MAP4K5: variants seen among roughly 807,000 people sequenced by gnomAD.
The protein encoded by MAP4K5 is mitogen-activated protein kinase kinase kinase kinase 5, also known as MAPK/ERK kinase kinase kinase 5.
Under a neutral mutation model 135.6 loss-of-function variants are expected in MAP4K5, and 82 were observed. That is an observed-to-expected ratio of 0.60 (90% CI 0.51 to 0.73). The LOEUF is 0.73. Ranked by LOEUF, MAP4K5 falls within the 30% of genes least tolerant of loss-of-function variation. The probability of loss-of-function intolerance (pLI) is 0.00; values close to 1 mark genes in which losing one functional copy is unlikely to be tolerated. For missense variants in MAP4K5, 907 were observed against 1,010.9 expected, an observed-to-expected ratio of 0.90 and a Z score of 1.39; for synonymous variants, 347 against 335.0, an observed-to-expected ratio of 1.04 and a Z score of -0.39.
At chr14:50,554,109 G>GTT (rs369844075) in intron 1 of MAP4K5, among the ~76,000 whole-genome samples, 3 of 146,498 alleles carry the variant, frequency 2.0e-5, no homozygotes, top group Admixed American at 1.4e-4. Context: ...TTTTTAAAAA[G>GTT]TTTTTTTTTT....
chr14:50,504,251 C>G (rs2037764414), intron 3 of MAP4K5, among the ~76,000 whole-genome samples: 1 of 152,098 alleles, frequency 6.6e-6, no homozygotes, highest in African/African-American at 2.4e-5. Flanking sequence ...TGGTCAAAAA[C>G]TACTACTGCA....
chr14:50,541,795 A>C (rs1275475112), intron 2 of MAP4K5, among the ~76,000 whole-genome samples: 7 of 151,850 alleles, frequency 4.6e-5, no homozygotes, highest in South Asian at 2.1e-4. Flanking sequence ...CCGAGGCAGG[A>C]GGATCACGAG....
intron 3 of MAP4K5, among the ~76,000 whole-genome samples, chr14:50,502,896 T>C (rs928987315): frequency 2.0e-5 from 3 of 152,040 alleles, no homozygotes. Flanking sequence ...TTCTCTTTCA[T>C]CCCTTAGAAC....
chr14:50,464,246 C>T (rs1007041266), intron 11 of MAP4K5, 113 bp from the exon 12 acceptor site: 11 of 603,894 alleles, frequency 1.8e-5, no homozygotes, highest in Non-Finnish European at 3.2e-5. Context: ...TTTTATTGGG[C>T]CACTTAGTTA....
At chr14:50,462,566 A>G in intron 13 of MAP4K5, 99 bp downstream of exon 13, 1 of 731,866 alleles carries the variant, frequency 1.4e-6, no homozygotes, top group South Asian at 1.6e-5. Context: ...TGTTTTAACT[A>G]AGTTAAAAGA....
intron 28 of MAP4K5, among the ~76,000 whole-genome samples, chr14:50,431,890 A>G (rs970899213): frequency 2.6e-5 from 4 of 152,220 alleles, no homozygotes; most frequent in Admixed American, 6.5e-5. Flanking sequence ...CTTCTTAACT[A>G]TACCTCTTTG....
chr14:50,519,881 G>A (rs560341873), intron 2 of MAP4K5, among the ~76,000 whole-genome samples: 1 of 152,082 alleles, frequency 6.6e-6, no homozygotes, highest in Non-Finnish European at 1.5e-5. Context: ...AACATCTCTA[G>A]CATGTATTAC....
At chr14:50,505,168 G>T in intron 2 of MAP4K5, 2 of 220,200 alleles carry the variant, frequency 9.1e-6, no homozygotes, top group Non-Finnish European at 1.7e-5. Context: ...AAAATCTCAT[G>T]GGTTTTATTT....
chr14:50,508,576 G>A (rs532104945), intron 2 of MAP4K5, among the ~76,000 whole-genome samples: 56 of 152,166 alleles, frequency 3.7e-4, no homozygotes, highest in Non-Finnish European at 6.9e-4. Context: ...TGGGGTGGGG[G>A]GAGAGGGGAG....
rs909561515 is a variant in MAP4K5, at chr14:50,418,599, A to G, written c.*1420T>C. On this transcript the variant is annotated 3_prime_UTR_variant, in exon 33 of 33. Coordinates refer to ENST00000682126, the MANE Select transcript of MAP4K5 (RefSeq NM_006575.6). ...GTCAGAAGACTCATGGTCAGGCTCA[A>G]CTACTAACTTGCTGTGTAAATTGGA... 1 of 152,646 alleles carries G rather than the reference A, an allele frequency of 6.6e-6. No individual in the cohort carries two copies. Among genetic ancestry groups the G allele is most frequent in the African/African-American group, 2.4e-5 (1 of 41,454 alleles). The allele number at this position is 152,646 out of a possible 1,614,324, so 9.5% of individuals were successfully genotyped here. A position where few individuals can be genotyped will look rare whatever the true frequency, so the allele number is the denominator to read the frequency against.
rs543955966 is a variant in MAP4K5, at chr14:50,432,695, T to C, written c.2164+1699A>G. Among the ~76,000 whole-genome samples the C allele has an allele frequency of 7.9e-5, 12 of 152,044 alleles. 1 individual carries two copies. In the South Asian group the frequency reaches 2.5e-3, roughly 32 times the overall value. On this transcript the variant is annotated intron_variant, in intron 28 of 32. Transcript: ENST00000682126. ...ATCCAGAAGAAAGTGGTCGCAAATATACATTAAATAGTTGTATTAAATGAC... is the reference window on the plus strand; with the variant it reads ...ATCCAGAAGAAAGTGGTCGCAAATACACATTAAATAGTTGTATTAAATGAC...
chr14:50,489,013 T>A (rs1240999038), intron 3 of MAP4K5, among the ~76,000 whole-genome samples: 1 of 152,182 alleles, frequency 6.6e-6, no homozygotes, highest in Non-Finnish European at 1.5e-5. Context: ...ATCAGCCTCA[T>A]AAAAATAATC....
intron 13 of MAP4K5, among the ~76,000 whole-genome samples, chr14:50,461,260 C>T (rs1429728575): frequency 6.6e-6 from 1 of 152,022 alleles, no homozygotes; most frequent in Admixed American, 6.6e-5. Context: ...AACTCCTGAA[C>T]TCAAGTGACC....
rs1394980030 is a variant in MAP4K5 at position 50,454,034 on chromosome 14, C to T, written c.1015+2482G>A. Among the ~76,000 whole-genome samples the T allele has an allele frequency of 2.0e-5, 3 of 152,118 alleles. No individual in the cohort carries two copies. The East Asian group carries it at 5.8e-4, about 29-fold the overall frequency. ...CCCAAAACCAGAAATAAATCAAATG[C>T]TCATCAACAGAAGAATGGATAAATT... On this transcript the variant is annotated intron_variant, in intron 14 of 32. Coordinates refer to ENST00000682126, the MANE Select transcript of MAP4K5 (RefSeq NM_006575.6).
chr14:50,438,028 T>TA lies in MAP4K5; in HGVS notation c.1709-21dup, dbSNP rs1396438801. The TA allele has an allele frequency of 7.7e-7, 1 of 1,304,910 alleles. No individual in the cohort carries two copies. The highest frequency in any genetic ancestry group is 1.5e-5 in the African/African-American group (1 of 68,604). 80.8% of individuals were successfully genotyped at this position (1,304,910 alleles called of 1,614,324 possible). A position where few individuals can be genotyped will look rare whatever the true frequency, so the allele number is the denominator to read the frequency against. ...TTTTTCCTATAAAAGAAAAACATGT[T>TA]ACCTTTTTGAGAATCATTTACAGCA... On this transcript the variant is annotated intron_variant, in intron 24 of 32. Transcript: ENST00000682126.
chr14:50,515,572 C>G lies in MAP4K5; in HGVS notation c.109-10715G>C, dbSNP rs1256241519. Among the ~76,000 whole-genome samples, 5 of 152,112 alleles carry G rather than the reference C, an allele frequency of 3.3e-5. 1 individual carries two copies. Among genetic ancestry groups the G allele is most frequent in the African/African-American group, 1.2e-4 (5 of 41,406 alleles). The stretch of plus-strand genomic sequence containing the variant: ...GATTAATTCCAATTATCCACTAATC[C>G]CACACTGGCATCAAATAGCTAACAG... On this transcript the variant is annotated intron_variant, in intron 2 of 32. Transcript: ENST00000682126.
intron 1 of MAP4K5, among the ~76,000 whole-genome samples, chr14:50,555,322 C>A (rs1168524460): frequency 6.6e-6 from 1 of 152,194 alleles, no homozygotes; most frequent in Non-Finnish European, 1.5e-5. Flanking sequence ...CGCTCTGTCA[C>A]CCAGGCTGGA....
chr14:50,531,820 G>A, intron 2 of MAP4K5, 122 bp downstream of exon 2: 1 of 769,870 alleles, frequency 1.3e-6, no homozygotes, highest in Non-Finnish European at 2.3e-6. Flanking sequence ...GACCCCGGCC[G>A]CTTTCTCCCC....
In MAP4K5 at chr14:50,445,076, G is replaced by A. The variant is rs1566645208; in HGVS notation, c.1304C>T (p.Pro435Leu). Residue 435 changes from proline (P) to leucine (L), a missense_variant, in exon 18 of 33, where the codon CCA (proline) becomes CTA (leucine). Physicochemically the swap from Pro to Leu is moderately conservative, Grantham distance 98 (BLOSUM62 -3). Around this residue, in one of 3 missense-constraint regions of MAP4K5, gnomAD observed 690 missense variants for 777.4 expected, o/e 0.89. Coordinates refer to ENST00000682126, the MANE Select transcript of MAP4K5 (RefSeq NM_006575.6). ...AGTCTCTGCCACAGGCCCACAACTT[G>A]GGCTACTCTGTCTTCTGAGAATTTG... ...APQILRRQSS[P>L]SCGPVAETSS... 1 of 1,613,568 alleles carries A rather than the reference G, an allele frequency of 6.2e-7. No individual in the cohort carries two copies. Among genetic ancestry groups the A allele is most frequent in the East Asian group, 2.2e-5 (1 of 44,856 alleles).
Sources: allele counts gnomAD v4.1 joint callset (sites outside exome capture counted in the v4.1 genomes callset), GRCh38; gene constraint gnomAD v4.1.1; regional missense constraint gnomAD v4.1.1; transcripts MANE v1.5; gene names NCBI Gene and HGNC (gene_info 2026-07-23, HGNC 2026-07-21).